KCNJ3: variants seen among roughly 807,000 people sequenced by gnomAD.
KCNJ3 encodes G protein-activated inward rectifier potassium channel 1.
In KCNJ3, 4 loss-of-function variants were observed where a neutral mutation model predicts 39.2. That is an observed-to-expected ratio of 0.10 (90% CI 0.05 to 0.23). KCNJ3 has a LOEUF of 0.23. Ranked by LOEUF, KCNJ3 falls within the 10% of genes least tolerant of loss-of-function variation. The pLI, the probability that KCNJ3 is intolerant of heterozygous loss-of-function variation, is 1.00. For missense variants in KCNJ3, 276 were observed against 634.9 expected, an observed-to-expected ratio of 0.43 and a Z score of 6.08; for synonymous variants, 230 against 237.4, an observed-to-expected ratio of 0.97 and a Z score of 0.29.
intron 2 of KCNJ3, among the ~76,000 whole-genome samples, chr2:154,778,011 T>C (rs1686369869): frequency 6.6e-6 from 1 of 152,180 alleles, no homozygotes; most frequent in Admixed American, 6.5e-5. Flanking sequence ...AGCTAGCTTA[T>C]TAATTTATTC....
chr2:154,808,583 C>T (rs116733425), intron 2 of KCNJ3, among the ~76,000 whole-genome samples: 2,253 of 152,126 alleles, frequency 0.015, 41 homozygotes, highest in Non-Finnish European at 0.018. Context: ...ACCTTTGGTC[C>T]AGGTTGCCAC....
chr2:154,844,282 G>T (rs575998591), intron 2 of KCNJ3, among the ~76,000 whole-genome samples: 1 of 152,202 alleles, frequency 6.6e-6, no homozygotes, highest in East Asian at 1.9e-4. Flanking sequence ...GGAGGCTGCA[G>T]AACAGCAAAT....
chr2:154,722,611 C>G (rs1685282263), intron 2 of KCNJ3, among the ~76,000 whole-genome samples: 1 of 152,028 alleles, frequency 6.6e-6, no homozygotes, highest in African/African-American at 2.4e-5. Context: ...ACTTTTAAGT[C>G]ACGTATGTGC....
At chr2:154,737,870 A>G (rs1361029921) in intron 2 of KCNJ3, among the ~76,000 whole-genome samples, 1 of 152,112 alleles carries the variant, frequency 6.6e-6, no homozygotes, top group Non-Finnish European at 1.5e-5. Flanking sequence ...AAATTTTCCA[A>G]ATTTAATGAA....
intron 2 of KCNJ3, among the ~76,000 whole-genome samples, chr2:154,839,570 A>G (rs1032890846): frequency 2.0e-5 from 3 of 152,022 alleles, no homozygotes; most frequent in Admixed American, 2.0e-4. Flanking sequence ...AAGCATTCCT[A>G]TTTCTCCACA....
intron 2 of KCNJ3, among the ~76,000 whole-genome samples, chr2:154,787,202 A>G (rs1159805274): frequency 6.6e-6 from 1 of 152,144 alleles, no homozygotes. Flanking sequence ...TCCTCCTCGC[A>G]TTTTCAATAA....
chr2:154,738,418 T>C (rs1026057470), intron 2 of KCNJ3, among the ~76,000 whole-genome samples: 2 of 152,080 alleles, frequency 1.3e-5, no homozygotes, highest in African/African-American at 2.4e-5. Context: ...TTAATGCCTG[T>C]AACTGAATTG....
intron 2 of KCNJ3, among the ~76,000 whole-genome samples, chr2:154,742,920 T>C (rs980786112): frequency 2.6e-5 from 4 of 151,896 alleles, no homozygotes; most frequent in African/African-American, 9.7e-5. Flanking sequence ...TTACCTTTTG[T>C]ATCATAGCCA....
intron 2 of KCNJ3, among the ~76,000 whole-genome samples, chr2:154,710,886 T>C (rs969410751): frequency 6.6e-6 from 1 of 152,170 alleles, no homozygotes; most frequent in African/African-American, 2.4e-5. Flanking sequence ...CTAGTCATTG[T>C]AATTTTAGCA....
Position 154,773,222 on chromosome 2 carries a change from C to T in KCNJ3, c.919+63403C>T, listed in dbSNP as rs548335581. The stretch of plus-strand genomic sequence containing the variant: ...TTAGTCTCTGCTTTTAATGTGTAAG[C>T]ATCTTGTTGCATGACTTACTATATT... On this transcript the variant is annotated intron_variant, in intron 2 of 2. Transcript: ENST00000295101. Among the ~76,000 whole-genome samples, 7 of 152,048 alleles carry T rather than the reference C, an allele frequency of 4.6e-5. No homozygotes were observed. The South Asian group carries it at 1.5e-3, about 32-fold the overall frequency.
chr2:154,793,943 A>G (rs1364559955), intron 2 of KCNJ3, among the ~76,000 whole-genome samples: 1 of 151,836 alleles, frequency 6.6e-6, no homozygotes, highest in Non-Finnish European at 1.5e-5. Context: ...TGGTATATAT[A>G]TATTTTTTTT....
At position 154,857,394 on chromosome 2, in the gene KCNJ3, C is replaced by T. The variant is rs1463231740; in HGVS notation, c.*2081C>T. The T allele has an allele frequency of 6.6e-6, 1 of 152,074 alleles. No homozygotes were observed. Among genetic ancestry groups the T allele is most frequent in the African/African-American group, 2.4e-5 (1 of 41,384 alleles). 9.4% of individuals were successfully genotyped at this position (152,074 alleles called of 1,614,324 possible). A position where few individuals can be genotyped will look rare whatever the true frequency, so the allele number is the denominator to read the frequency against. ...GAAGACGGAACCAAAAACAAACTCT[C>T]CAAGTATATTCACACATTCAACAAA... On this transcript the variant is annotated 3_prime_UTR_variant, in exon 3 of 3. Coordinates refer to ENST00000295101, the MANE Select transcript of KCNJ3 (RefSeq NM_002239.4).
At chr2:154,729,944 T>TGGATCA (rs1685422716) in intron 2 of KCNJ3, among the ~76,000 whole-genome samples, 3 of 152,044 alleles carry the variant, frequency 2.0e-5, no homozygotes, top group Admixed American at 2.0e-4. Context: ...GTCAGGCTGA[T>TGGATCA]CCATTTGCTC....
intron 2 of KCNJ3, among the ~76,000 whole-genome samples, chr2:154,735,173 G>A (rs1373280192): frequency 6.6e-6 from 1 of 151,762 alleles, no homozygotes; most frequent in Non-Finnish European, 1.5e-5. Context: ...TGCAAGCTCC[G>A]CCTCCCAGGT....
intron 2 of KCNJ3, among the ~76,000 whole-genome samples, chr2:154,826,210 G>T (rs1264136565): frequency 6.6e-6 from 1 of 152,116 alleles, no homozygotes; most frequent in East Asian, 1.9e-4. Flanking sequence ...GGCCAGCTAT[G>T]TACGAGACTA....
At chr2:154,777,578 C>T (rs796248058) in intron 2 of KCNJ3, among the ~76,000 whole-genome samples, 3 of 152,178 alleles carry the variant, frequency 2.0e-5, no homozygotes, top group East Asian at 1.9e-4. Flanking sequence ...TAGCTCTGCA[C>T]GATATAGGAT....
chr2:154,761,757 G>C (rs188620207), intron 2 of KCNJ3, among the ~76,000 whole-genome samples: 9 of 152,202 alleles, frequency 5.9e-5, no homozygotes, highest in Non-Finnish European at 1.0e-4. Context: ...GAGCCTGTGA[G>C]AATTATGTAA....
intron 2 of KCNJ3, among the ~76,000 whole-genome samples, chr2:154,805,090 C>G (rs992318359): frequency 1.3e-5 from 2 of 151,924 alleles, no homozygotes; most frequent in Admixed American, 6.6e-5. Flanking sequence ...GTGAACTTAG[C>G]AATTGGAATA....
chr2:154,719,491 C>G (rs927144857), intron 2 of KCNJ3, among the ~76,000 whole-genome samples: 3 of 152,014 alleles, frequency 2.0e-5, no homozygotes, highest in African/African-American at 7.2e-5. Context: ...ATTACCATAA[C>G]CAAGAACAAG....
Sources: allele counts gnomAD v4.1 joint callset (sites outside exome capture counted in the v4.1 genomes callset), GRCh38; gene constraint gnomAD v4.1.1; transcripts MANE v1.5; gene names NCBI Gene and HGNC (gene_info 2026-07-23, HGNC 2026-07-21).